The following RAB28 variants were observed in gnomAD, a reference collection of about 807,000 sequenced individuals.
The protein encoded by RAB28 is RAB28, member RAS oncogene family, also known as ras-related protein Rab-28.
In RAB28, 24 loss-of-function variants were observed where a neutral mutation model predicts 31.7. The observed-to-expected ratio is 0.76, with a 90% CI of 0.55 to 1.06. The LOEUF is 1.06. Ranked by LOEUF, RAB28 falls within the 50% of genes least tolerant of loss-of-function variation. The pLI, the probability that RAB28 is intolerant of heterozygous loss-of-function variation, is 0.00. For missense variants in RAB28, 254 were observed against 258.5 expected (o/e 0.98, Z 0.12); for synonymous variants, 100 against 90.4 (o/e 1.11, Z -0.60).
At chr4:13,373,959 A>ATG (rs1553864951) in intron 6 of RAB28, among the ~76,000 whole-genome samples, 14 of 151,192 alleles carry the variant, frequency 9.3e-5, no homozygotes, top group Non-Finnish European at 1.5e-4. Context: ...GTATGTATGT[A>ATG]TGTGTGTGTG....
intron 6 of RAB28, chr4:13,369,874 C>T (rs1356271125): frequency 6.2e-7 from 1 of 1,604,780 alleles, no homozygotes; most frequent in Non-Finnish European, 8.5e-7. Flanking sequence ...TTAATACCTG[C>T]ACTACTGTAC....
At chr4:13,434,579 C>T in intron 4 of RAB28, among the ~76,000 whole-genome samples, 1 of 152,168 alleles carries the variant, frequency 6.6e-6, no homozygotes, top group East Asian at 1.9e-4. Context: ...AGACAGTTCA[C>T]CCAACCACCA....
At chr4:13,483,715 G>C (rs372904730) in intron 1 of RAB28, among the ~76,000 whole-genome samples, 109 of 152,332 alleles carry the variant, frequency 7.2e-4, no homozygotes, top group African/African-American at 2.5e-3. Context: ...AACGGTAAAG[G>C]GGGTGGGAGG....
chr4:13,467,549 G>T (rs1398770760), intron 3 of RAB28, among the ~76,000 whole-genome samples: 1 of 151,684 alleles, frequency 6.6e-6, no homozygotes, highest in Admixed American at 6.6e-5. Context: ...ATATTCTGAG[G>T]GACTTGCACT....
At chr4:13,380,911 A>G (rs1321182277) in intron 5 of RAB28, among the ~76,000 whole-genome samples, 1 of 152,038 alleles carries the variant, frequency 6.6e-6, no homozygotes, top group Non-Finnish European at 1.5e-5. Context: ...ACATGGGAAC[A>G]ATAAAAATAT....
intron 4 of RAB28, among the ~76,000 whole-genome samples, chr4:13,397,370 A>G (rs900545584): frequency 3.9e-5 from 6 of 152,170 alleles, no homozygotes; most frequent in Non-Finnish European, 1.5e-5. Flanking sequence ...GGAGATGGAT[A>G]AAGGCACCTG....
intron 4 of RAB28, among the ~76,000 whole-genome samples, chr4:13,391,260 C>T (rs536453065): frequency 6.3e-4 from 96 of 152,222 alleles, no homozygotes; most frequent in African/African-American, 2.1e-3. Flanking sequence ...TGAATAGATA[C>T]TCTCAAAAGA....
intron 4 of RAB28, among the ~76,000 whole-genome samples, chr4:13,384,041 T>C (rs1014405954): frequency 6.6e-6 from 1 of 152,150 alleles, no homozygotes; most frequent in African/African-American, 2.4e-5. Flanking sequence ...CTCACCGCCA[T>C]GCACCAGCCT....
chr4:13,404,291 T>A lies in RAB28; in HGVS notation c.392-22697A>T, dbSNP rs1213574624. ...TACTTGGGAGGCTGAGGCAGGAGAA[T>A]CACTTGAACTTGGGAGGCAGAGGTT... On this transcript the variant is annotated intron_variant, in intron 4 of 6. Coordinates refer to ENST00000330852, the MANE Select transcript of RAB28 (RefSeq NM_001017979.3). 2.6e-5 allele frequency among the ~76,000 whole-genome samples: 4 copies of A among 152,078 alleles called. No homozygotes were observed. In the East Asian group the frequency reaches 7.7e-4, roughly 29 times the overall value.
At chr4:13,413,930 A>C (rs1169049597) in intron 4 of RAB28, among the ~76,000 whole-genome samples, 1 of 152,204 alleles carries the variant, frequency 6.6e-6, no homozygotes. Context: ...GGGAAACTAC[A>C]GATTACACAG....
rs1712529257 is a variant in RAB28, at chr4:13,412,985, AACT to A, written c.392-31394_392-31392del. On this transcript the variant is annotated intron_variant, in intron 4 of 6. Transcript: ENST00000330852. The stretch of plus-strand genomic sequence containing the variant: ...CATGAAAGACAAGATTGAGAAATGC[AACT>A]ACAAGGAAATAAAAACTTAAAAAGT... Among the ~76,000 whole-genome samples, 4 of 152,208 alleles carry A rather than the reference AACT, an allele frequency of 2.6e-5. No individual in the cohort carries two copies. In the South Asian group the frequency reaches 8.3e-4, roughly 32 times the overall value.
At chr4:13,452,753 A>C (rs891408391) in intron 4 of RAB28, among the ~76,000 whole-genome samples, 1 of 152,044 alleles carries the variant, frequency 6.6e-6, no homozygotes, top group Non-Finnish European at 1.5e-5. Flanking sequence ...GTTGTTGGGC[A>C]GGTGAAATGT....
At chr4:13,414,586 G>A (rs979229455) in intron 4 of RAB28, among the ~76,000 whole-genome samples, 5 of 151,984 alleles carry the variant, frequency 3.3e-5, no homozygotes, top group Admixed American at 6.6e-5. Flanking sequence ...AAACATATGG[G>A]GTATTTCCCA....
intron 4 of RAB28, among the ~76,000 whole-genome samples, chr4:13,440,950 T>C (rs1489392719): frequency 6.6e-6 from 1 of 151,452 alleles, no homozygotes; most frequent in Non-Finnish European, 1.5e-5. Flanking sequence ...ATTAGGAATG[T>C]GGAATAAGGA....
chr4:13,475,642 A>C (rs548889943), intron 2 of RAB28, among the ~76,000 whole-genome samples: 2 of 151,530 alleles, frequency 1.3e-5, no homozygotes, highest in Non-Finnish European at 3.0e-5. Context: ...GAGGATTTCC[A>C]TGAGGAACTT....
intron 1 of RAB28, among the ~76,000 whole-genome samples, chr4:13,479,735 C>T (rs1716524685): frequency 6.6e-6 from 1 of 151,458 alleles, no homozygotes; most frequent in Non-Finnish European, 1.5e-5. Context: ...GGACAACGAA[C>T]TAATGAGTTA....
chr4:13,382,128 T>C (rs897108345), intron 4 of RAB28, among the ~76,000 whole-genome samples: 6 of 152,240 alleles, frequency 3.9e-5, no homozygotes, highest in Admixed American at 2.6e-4. Flanking sequence ...ATAGCCATAC[T>C]TTAATTTCAC....
chr4:13,449,668 T>C (rs1191806294), intron 4 of RAB28, among the ~76,000 whole-genome samples: 1 of 151,920 alleles, frequency 6.6e-6, no homozygotes, highest in East Asian at 1.9e-4. Context: ...TCATCTGTCA[T>C]GAAGATTGTT....
rs182970607 is a variant in RAB28, at chr4:13,411,127, C to T, written c.392-29533G>A. ...GAAAAATACATAAGAATCAAGACTA[C>T]TATCAGATTTTTTTCATTTTCAATA... On this transcript the variant is annotated intron_variant, in intron 4 of 6. Transcript: ENST00000330852. Among the ~76,000 whole-genome samples, 31 of 152,152 alleles carry T rather than the reference C, an allele frequency of 2.0e-4. No homozygotes were observed. In the Middle Eastern group the frequency reaches 0.01, roughly 50 times the overall value.
Sources: gnomAD v4.1 joint callset for allele counts (sites outside exome capture counted in the v4.1 genomes callset) on GRCh38, gnomAD v4.1.1 for gene constraint, MANE v1.5 for transcripts, NCBI Gene and HGNC (gene_info 2026-07-23, HGNC 2026-07-21) for gene names.